Variants in ANO4 observed in about 807,000 individuals in gnomAD.
ANO4 encodes anoctamin-4.
A neutral mutation model predicts 141.9 loss-of-function variants in ANO4; 69 were observed. That is an observed-to-expected ratio of 0.49 (90% CI 0.40 to 0.59). ANO4 has a LOEUF of 0.59. Ranked by LOEUF, ANO4 falls within the 20% of genes least tolerant of loss-of-function variation. The pLI is 0.00. For synonymous variants in ANO4, 350 were observed against 394.3 expected (o/e 0.89, Z 1.33); for missense variants, 894 against 1,162.2 (o/e 0.77, Z 3.36).
intron 9 of ANO4, among the ~76,000 whole-genome samples, chr12:101,021,412 C>G (rs1442428379): frequency 6.6e-6 from 1 of 152,202 alleles, no homozygotes; most frequent in African/African-American, 2.4e-5. Flanking sequence ...CCTTCCTCCT[C>G]CAGTGTCCCT....
chr12:100,865,027 A>G (rs2038682453), intron 1 of ANO4, among the ~76,000 whole-genome samples: 1 of 152,156 alleles, frequency 6.6e-6, no homozygotes, highest in South Asian at 2.1e-4. Flanking sequence ...TATCCAGGCT[A>G]TCATTGATGG....
intron 2 of ANO4, among the ~76,000 whole-genome samples, chr12:100,909,293 A>G (rs887444620): frequency 2.0e-5 from 3 of 152,204 alleles, no homozygotes; most frequent in African/African-American, 7.2e-5. Flanking sequence ...GGACAGTTCT[A>G]TTGGCTATGC....
intron 1 of ANO4, among the ~76,000 whole-genome samples, chr12:100,798,497 G>T (rs2034478964): frequency 6.6e-6 from 1 of 152,172 alleles, no homozygotes; most frequent in Non-Finnish European, 1.5e-5. Flanking sequence ...AATGCTTCAT[G>T]AGCTGTGTTG....
chr12:100,729,360 C>CAA (rs1156522144), intron 1 of ANO4, among the ~76,000 whole-genome samples: 1,346 of 22,530 alleles, frequency 0.06, 170 homozygotes, highest in East Asian at 0.26. Context: ...AACTCTGTCT[C>CAA]AAAAAAAAAA....
intron 9 of ANO4, among the ~76,000 whole-genome samples, chr12:101,030,931 A>C (rs1025459219): frequency 6.6e-6 from 1 of 152,200 alleles, no homozygotes; most frequent in Non-Finnish European, 1.5e-5. Flanking sequence ...TCTGAAATTG[A>C]GGCAGTAATT....
At chr12:101,111,802 G>A in intron 24 of ANO4, 92 bp downstream of exon 24, 1 of 1,183,024 alleles carries the variant, frequency 8.5e-7, no homozygotes, top group East Asian at 2.8e-5. Flanking sequence ...TGGAGAATAT[G>A]GAATACATGC....
intron 2 of ANO4, among the ~76,000 whole-genome samples, chr12:100,915,308 C>T (rs1405024260): frequency 1.3e-5 from 2 of 152,124 alleles, no homozygotes; most frequent in African/African-American, 4.8e-5. Context: ...ATCACTGCTA[C>T]CTATTCTATA....
At chr12:101,070,317 A>G (rs896007567) in intron 14 of ANO4, among the ~76,000 whole-genome samples, 1 of 152,216 alleles carries the variant, frequency 6.6e-6, no homozygotes, top group Non-Finnish European at 1.5e-5. Context: ...ATAAAAAAAC[A>G]GACATATAGA....
chr12:100,935,527 C>T (rs2042251241), intron 3 of ANO4, among the ~76,000 whole-genome samples: 1 of 152,152 alleles, frequency 6.6e-6, no homozygotes, highest in African/African-American at 2.4e-5. Flanking sequence ...AGATAATTAT[C>T]AAACATTTTT....
intron 8 of ANO4, among the ~76,000 whole-genome samples, chr12:100,996,854 A>G (rs1186185425): frequency 1.3e-5 from 2 of 152,192 alleles, no homozygotes; most frequent in Non-Finnish European, 2.9e-5. Context: ...CCAATCAAAC[A>G]GTGGTAGCAC....
At chr12:100,821,177 A>T (rs1461465003) in intron 1 of ANO4, among the ~76,000 whole-genome samples, 1 of 152,078 alleles carries the variant, frequency 6.6e-6, no homozygotes, top group Non-Finnish European at 1.5e-5. Flanking sequence ...AGTTGTGTCT[A>T]GTCAGTTGCC....
chr12:100,790,742 T>C (rs2034018703), upstream of ANO4, among the ~76,000 whole-genome samples: 1 of 152,234 alleles, frequency 6.6e-6, no homozygotes, highest in Non-Finnish European at 1.5e-5. Context: ...GGCTAAGGAA[T>C]GCTGACTGTG....
At chr12:100,935,116 T>A (rs1180715540) in intron 3 of ANO4, among the ~76,000 whole-genome samples, 1 of 152,192 alleles carries the variant, frequency 6.6e-6, no homozygotes, top group Non-Finnish European at 1.5e-5. Flanking sequence ...TGGCCAGAAC[T>A]TCCAATACAA....
chr12:100,971,866 C>A (rs568405027), intron 6 of ANO4, among the ~76,000 whole-genome samples: 11 of 146,610 alleles, frequency 7.5e-5, no homozygotes, highest in East Asian at 6.1e-4. Flanking sequence ...AAAAAAAAAA[C>A]AAAAAAAACC....
intron 2 of ANO4, among the ~76,000 whole-genome samples, chr12:100,737,203 T>G (rs1303984443): frequency 6.6e-6 from 1 of 152,140 alleles, no homozygotes; most frequent in African/African-American, 2.4e-5. Flanking sequence ...GATGGGTTGA[T>G]TAGGCTGCTC....
chr12:100,793,514 C>T (rs1343249285), upstream of ANO4, among the ~76,000 whole-genome samples: 1 of 151,936 alleles, frequency 6.6e-6, no homozygotes. Context: ...GGTATTCCAA[C>T]TTCTAGGTAA....
At chr12:101,124,773 A>T (rs1375873462) in intron 26 of ANO4, among the ~76,000 whole-genome samples, 4 of 152,092 alleles carry the variant, frequency 2.6e-5, no homozygotes, top group Non-Finnish European at 5.9e-5. Flanking sequence ...CAAAGATCAG[A>T]TGGTTGTAGA....
intron 8 of ANO4, among the ~76,000 whole-genome samples, chr12:101,006,596 A>G (rs2045882270): frequency 6.6e-6 from 1 of 152,240 alleles, no homozygotes; most frequent in African/African-American, 2.4e-5. Flanking sequence ...AGTAAACTGT[A>G]CTGTCCCATA....
At chr12:100,938,330 G>A (rs1204777134) in intron 3 of ANO4, among the ~76,000 whole-genome samples, 1 of 152,160 alleles carries the variant, frequency 6.6e-6, no homozygotes, top group Non-Finnish European at 1.5e-5. Context: ...TCACCAAGGT[G>A]CAATCATCAC....
Sources: gnomAD v4.1 joint callset for allele counts (sites outside exome capture counted in the v4.1 genomes callset) on GRCh38, gnomAD v4.1.1 for gene constraint, MANE v1.5 for transcripts, NCBI Gene and HGNC (gene_info 2026-07-23, HGNC 2026-07-21) for gene names.